Variants in LRRC4C observed in about 807,000 individuals in gnomAD.
LRRC4C encodes the protein leucine-rich repeat-containing protein 4C.
LRRC4C carries 5 observed loss-of-function variants against 33.6 expected under a neutral mutation model. That is an observed-to-expected ratio of 0.15 (90% CI 0.08 to 0.31). LRRC4C has a LOEUF of 0.31. LRRC4C is among the 10% of genes least tolerant of loss of function. LRRC4C has a pLI of 1.00. For missense variants in LRRC4C, 560 were observed against 796.7 expected (o/e 0.70, Z 3.58); for synonymous variants, 329 against 302.0 (o/e 1.09, Z -0.93).
At chr11:40,314,979 C>CTCTA (rs1160673889) in intron 4 of LRRC4C, among the ~76,000 whole-genome samples, 1 of 151,852 alleles carries the variant, frequency 6.6e-6, no homozygotes, top group African/African-American at 2.4e-5. Flanking sequence ...ATTTCTTGTG[C>CTCTA]TGTATATCAC....
At chr11:40,665,896 A>C (rs1565615845) in intron 2 of LRRC4C, among the ~76,000 whole-genome samples, 2 of 152,142 alleles carry the variant, frequency 1.3e-5, no homozygotes, top group Non-Finnish European at 2.9e-5. Context: ...AGAATACAAT[A>C]TATGGCAGAA....
intron 6 of LRRC4C, among the ~76,000 whole-genome samples, chr11:40,118,854 C>T (rs1223549489): frequency 6.6e-6 from 1 of 152,104 alleles, no homozygotes; most frequent in South Asian, 2.1e-4. Context: ...CTATCATCAG[C>T]TTTGTTTTGA....
chr11:40,240,394 C>T (rs373088597), intron 5 of LRRC4C, among the ~76,000 whole-genome samples: 3 of 152,036 alleles, frequency 2.0e-5, no homozygotes, highest in African/African-American at 4.8e-5. Context: ...AGACAGCTTC[C>T]GTCTATAGTC....
At chr11:41,061,254 G>C (rs1209138525) in intron 1 of LRRC4C, among the ~76,000 whole-genome samples, 2 of 152,086 alleles carry the variant, frequency 1.3e-5, no homozygotes, top group African/African-American at 2.4e-5. Flanking sequence ...ATGGGATTAG[G>C]AACTTACTCT....
At chr11:40,832,256 T>C (rs532314715) in intron 2 of LRRC4C, among the ~76,000 whole-genome samples, 1 of 152,234 alleles carries the variant, frequency 6.6e-6, no homozygotes, top group South Asian at 2.1e-4. Context: ...TACCCTAATA[T>C]AATCTTATGG....
At chr11:40,415,311 C>T (rs942669444) in intron 3 of LRRC4C, among the ~76,000 whole-genome samples, 1 of 152,168 alleles carries the variant, frequency 6.6e-6, no homozygotes, top group Non-Finnish European at 1.5e-5. Flanking sequence ...GTTTAATGCT[C>T]TCTCATTGCT....
intron 3 of LRRC4C, among the ~76,000 whole-genome samples, chr11:40,334,864 AC>A (rs1946528996): frequency 6.6e-6 from 1 of 152,168 alleles, no homozygotes. Context: ...CAGGAACAAA[AC>A]CATATAGGAT....
chr11:41,192,330 G>A (rs1263297506), intron 1 of LRRC4C, among the ~76,000 whole-genome samples: 1 of 151,284 alleles, frequency 6.6e-6, no homozygotes, highest in Non-Finnish European at 1.5e-5. Context: ...AAATGTGTGT[G>A]TGTGTGTGTG....
chr11:40,760,798 TATACACACAC>T (rs1233234852), intron 2 of LRRC4C, among the ~76,000 whole-genome samples: 1 of 142,576 alleles, frequency 7.0e-6, no homozygotes, highest in African/African-American at 2.6e-5. Context: ...TATATATATA[TATACACACAC>T]ACACACACAC....
intron 1 of LRRC4C, among the ~76,000 whole-genome samples, chr11:41,138,373 T>G (rs10837580): frequency 0.13 from 19,791 of 152,168 alleles, 1,369 homozygotes; most frequent in Middle Eastern, 0.16. Flanking sequence ...CAGGTTATAA[T>G]CAGTGTGGTC....
intron 1 of LRRC4C, among the ~76,000 whole-genome samples, chr11:41,285,068 T>C (rs1949782346): frequency 6.6e-6 from 1 of 152,182 alleles, no homozygotes; most frequent in Non-Finnish European, 1.5e-5. Flanking sequence ...GAAAAGTAGA[T>C]TGTTGGTGCA....
intron 1 of LRRC4C, among the ~76,000 whole-genome samples, chr11:41,116,299 A>G (rs1422782429): frequency 6.6e-6 from 1 of 152,128 alleles, no homozygotes; most frequent in Non-Finnish European, 1.5e-5. Flanking sequence ...TTGAATCATA[A>G]AATACCTAGC....
intron 3 of LRRC4C, among the ~76,000 whole-genome samples, chr11:40,622,575 T>G (rs536252968): frequency 6.6e-6 from 1 of 152,072 alleles, no homozygotes; most frequent in South Asian, 2.1e-4. Flanking sequence ...AGGAGATGTT[T>G]TATTCTGCTC....
rs1450656731 is a variant in LRRC4C, at chr11:40,116,219, G to A, written c.74C>T (p.Pro25Leu). ...GPRFNRALFD[P>L]LLVVLLALQL... ...AAGAGCCAGCAGCACCACAAGCAGG[G>A]GGTCAAATAGGGCCCTGTTAAACCT... The change falls in exon 7 of 7, where the codon CCC (proline) becomes CTC (leucine). Residue 25 changes from proline (P) to leucine (L), a missense_variant. Physicochemically the swap from Pro to Leu is moderately conservative, Grantham distance 98 (BLOSUM62 -3). Coordinates refer to ENST00000528697, the MANE Select transcript of LRRC4C (RefSeq NM_001258419.2). 6.2e-7 allele frequency: 1 copy of A among 1,613,922 alleles called. No homozygotes were observed. The highest frequency in any genetic ancestry group is 8.5e-7 in the Non-Finnish European group (1 of 1,180,008).
intron 1 of LRRC4C, among the ~76,000 whole-genome samples, chr11:41,379,579 T>C (rs1285392737): frequency 6.6e-6 from 1 of 152,082 alleles, no homozygotes; most frequent in African/African-American, 2.4e-5. Context: ...GCCCCATCCT[T>C]AGAGAGTGGT....
intron 1 of LRRC4C, among the ~76,000 whole-genome samples, chr11:41,042,496 G>A (rs1338322328): frequency 6.6e-6 from 1 of 152,056 alleles, no homozygotes; most frequent in Non-Finnish European, 1.5e-5. Flanking sequence ...AGTGTAGGTG[G>A]AAAGATTAAA....
chr11:40,503,087 C>T (rs771573690), intron 3 of LRRC4C, among the ~76,000 whole-genome samples: 3 of 152,096 alleles, frequency 2.0e-5, no homozygotes, highest in Non-Finnish European at 2.9e-5. Flanking sequence ...CATGCTGACT[C>T]GCAGCGCATG....
At chr11:40,765,843 C>T (rs55840443) in intron 2 of LRRC4C, among the ~76,000 whole-genome samples, 1 of 151,700 alleles carries the variant, frequency 6.6e-6, no homozygotes, top group Admixed American at 6.6e-5. Context: ...AGAAAATAGT[C>T]TGAAAAAAGC....
intron 1 of LRRC4C, among the ~76,000 whole-genome samples, chr11:40,934,498 T>A (rs1957779448): frequency 6.6e-6 from 1 of 152,204 alleles, no homozygotes; most frequent in Non-Finnish European, 1.5e-5. Flanking sequence ...CTCCTTACTC[T>A]ATCCTGGAGT....
Sources: gnomAD v4.1 joint callset for allele counts (sites outside exome capture counted in the v4.1 genomes callset) on GRCh38, gnomAD v4.1.1 for gene constraint, MANE v1.5 for transcripts, NCBI Gene and HGNC (gene_info 2026-07-23, HGNC 2026-07-21) for gene names.